The following DNAH17 variants were observed in gnomAD, a reference collection of about 807,000 sequenced individuals.
The protein encoded by DNAH17 is axonemal beta dynein heavy chain 17.
Under a neutral mutation model 485.6 loss-of-function variants are expected in DNAH17, and 376 were observed. The observed-to-expected ratio is 0.77, with a 90% CI of 0.71 to 0.84. DNAH17 has a LOEUF of 0.84. Among genes scored for constraint, DNAH17 ranks in the 40% least tolerant of loss-of-function variants. The pLI, the probability that DNAH17 is intolerant of heterozygous loss-of-function variation, is 0.00. For missense variants in DNAH17, 6,370 were observed against 5,839.3 expected (o/e 1.09, Z -2.96); for synonymous variants, 3,031 against 2,405.9 (o/e 1.26, Z -7.60).
intron 14 of DNAH17, among the ~76,000 whole-genome samples, chr17:78,556,840 A>G (rs2092033804): frequency 6.6e-6 from 1 of 152,218 alleles, no homozygotes; most frequent in African/African-American, 2.4e-5. Context: ...TCACGTTTAA[A>G]AAGAAGAAGA....
rs1162604944 is a variant in DNAH17, at chr17:78,427,021, G to T, written c.12676C>A (p.Pro4226Thr). The stretch of plus-strand genomic sequence containing the variant: ...TCTTGAAAGGCGACTACCACGTAGG[G>T]GGTCTTTTCCGCTGCCTTTGCCATG... ...EIMAKAAEKT[P>T]YVVVAFQECE... Residue 4226 changes from proline (P) to threonine (T), a missense_variant, in exon 78 of 81, where the codon CCC becomes ACC. Pro to Thr is a conservative substitution (Grantham distance 38). Coordinates refer to ENST00000389840, the MANE Select transcript of DNAH17 (RefSeq NM_173628.4). 5 of 1,608,172 alleles carry T rather than the reference G, an allele frequency of 3.1e-6. No individual in the cohort carries two copies. Among genetic ancestry groups the T allele is most frequent in the Middle Eastern group, 1.7e-4 (1 of 6,058 alleles).
chr17:78,567,405 A>T (rs867707381), intron 9 of DNAH17, among the ~76,000 whole-genome samples: 1 of 152,064 alleles, frequency 6.6e-6, no homozygotes, highest in Admixed American at 6.6e-5. Context: ...TGAGGTGTGA[A>T]TGAGGAGGAG....
At chr17:78,481,057 A>C (rs1225761708) in intron 48 of DNAH17, among the ~76,000 whole-genome samples, 1 of 147,022 alleles carries the variant, frequency 6.8e-6, no homozygotes, top group African/African-American at 2.5e-5. Context: ...AGCCTCCCAA[A>C]GTGCTGAGAT....
intron 65 of DNAH17, among the ~76,000 whole-genome samples, chr17:78,452,759 G>A (rs1268156678): frequency 6.6e-6 from 1 of 152,102 alleles, no homozygotes; most frequent in African/African-American, 2.4e-5. Context: ...AAAAAATGCT[G>A]AGTAAAAAGA....
Position 78,494,776 on chromosome 17 carries a change from C to G in DNAH17, c.6087G>C (p.Val2029=), listed in dbSNP as rs375938983. The change falls in exon 40 of 81, where the codon GTG becomes GTC. Residue 2029 remains valine (V), a synonymous_variant. Transcript: ENST00000389840. The part of the protein sequence containing the change: ...WGLRAIKSVL[V]VAGSLKRGDP... ...CGCCCCTCTTCAGGGAGCCGGCCAC[C>G]ACCAGCACAGACTTGATGGCTCTCA... is the stretch of plus-strand genomic sequence containing the variant. 13 of 1,613,140 alleles carry G rather than the reference C, an allele frequency of 8.1e-6. No individual in the cohort carries two copies. The highest frequency in any genetic ancestry group is 1.1e-5 in the Non-Finnish European group (13 of 1,179,632).
chr17:78,465,966 G>A (rs934706018), intron 56 of DNAH17, among the ~76,000 whole-genome samples: 2 of 152,232 alleles, frequency 1.3e-5, no homozygotes, highest in Non-Finnish European at 1.5e-5. Flanking sequence ...CAGGATGACA[G>A]TGGCGGCTTT....
At position 78,572,778 on chromosome 17, in the gene DNAH17, G is replaced by T; in HGVS notation, c.462C>A (p.Gly154=). The T allele has an allele frequency of 1.2e-6, 2 of 1,613,638 alleles. No individual in the cohort carries two copies. The highest frequency in any genetic ancestry group is 1.3e-5 in the African/African-American group (1 of 75,008). ...GCAGCAAGGTTTTGCCTTTGATCTTGCCACTCATCACAAACATTTCATTCT... is the reference window on the plus strand; with the variant it reads ...GCAGCAAGGTTTTGCCTTTGATCTTTCCACTCATCACAAACATTTCATTCT... The part of the protein sequence containing the change: ...RLKNEMFVMS[G]KIKGKTLLPI... The change falls in exon 3 of 81, where the codon GGC becomes GGA. Residue 154 remains glycine (G), a synonymous_variant. Coordinates refer to ENST00000389840, the MANE Select transcript of DNAH17 (RefSeq NM_173628.4).
intron 54 of DNAH17, among the ~76,000 whole-genome samples, chr17:78,475,005 GGACATGCACA>G (rs1217635109): frequency 1.4e-5 from 2 of 142,744 alleles, no homozygotes; most frequent in Non-Finnish European, 3.0e-5. Context: ...TCAGTCACAT[GGACATGCACA>G]CTGGCTGGAA....
intron 44 of DNAH17, 147 bp from the exon 45 acceptor site, chr17:78,486,653 C>G: frequency 9.2e-7 from 1 of 1,082,636 alleles, no homozygotes; most frequent in Non-Finnish European, 1.3e-6. Context: ...TGGGTCCAAA[C>G]GAGGGTGCCA....
At chr17:78,444,876 G>A (rs1251802435) in intron 70 of DNAH17, 79 bp from the exon 71 acceptor site, 41 of 1,387,504 alleles carry the variant, frequency 3.0e-5, no homozygotes, top group Non-Finnish European at 3.9e-5. Context: ...GTTCATTCAA[G>A]GAGGAGAGGC....
In DNAH17 at chr17:78,425,046, C is replaced by T. The variant is rs547318122; in HGVS notation, c.13141+300G>A. On this transcript the variant is annotated intron_variant, in intron 80 of 80. Transcript: ENST00000389840. ...GGCAGGGAAAGCCTGGGCTTTTCAG[C>T]GCTTTTCATCACGTCGGAGCTGCTC... 10 of 248,148 alleles carry T rather than the reference C, an allele frequency of 4.0e-5. No individual in the cohort carries two copies. The East Asian group carries it at 5.1e-4, about 13-fold the overall frequency. 15.4% of individuals were successfully genotyped at this position (248,148 alleles called of 1,614,324 possible). A position where few individuals can be genotyped will look rare whatever the true frequency, so the allele number is the denominator to read the frequency against.
intron 16 of DNAH17, among the ~76,000 whole-genome samples, chr17:78,551,242 G>A (rs1367548712): frequency 1.3e-5 from 2 of 152,182 alleles, no homozygotes; most frequent in African/African-American, 4.8e-5. Context: ...TTCCCAGTGG[G>A]GGTGAGTCTT....
intron 25 of DNAH17, among the ~76,000 whole-genome samples, chr17:78,524,502 C>T (rs1009081795): frequency 2.0e-5 from 3 of 152,150 alleles, no homozygotes; most frequent in Non-Finnish European, 1.5e-5. Context: ...TCCACTTCCA[C>T]CACATGAGGA....
At chr17:78,555,147 A>C (rs2091992188) in intron 14 of DNAH17, among the ~76,000 whole-genome samples, 1 of 152,218 alleles carries the variant, frequency 6.6e-6, no homozygotes, top group South Asian at 2.1e-4. Flanking sequence ...ATAGAGTATA[A>C]GAGCTGTTAC....
intron 14 of DNAH17, among the ~76,000 whole-genome samples, chr17:78,555,249 G>T (rs186788345): frequency 6.6e-6 from 1 of 151,814 alleles, no homozygotes; most frequent in African/African-American, 2.4e-5. Flanking sequence ...GGGTTGGGTT[G>T]TTAAACAATG....
rs1221870770 is a variant in DNAH17, at chr17:78,486,983, G to C, written c.6819-477C>G. ...CCAGCCATGCCTGAAGCACCCCTTGGTGCTTTTTTTTTTTTTTTTTTTTTA... is the reference window on the plus strand; with the variant it reads ...CCAGCCATGCCTGAAGCACCCCTTGCTGCTTTTTTTTTTTTTTTTTTTTTA... On this transcript the variant is annotated intron_variant, in intron 44 of 80. Transcript: ENST00000389840. Among the ~76,000 whole-genome samples the C allele has an allele frequency of 2.7e-5, 3 of 112,836 alleles. No individual in the cohort carries two copies. The East Asian group carries it at 7.3e-4, about 28-fold the overall frequency. The allele number at this position is 112,836 out of a possible 152,430, so 74.0% of individuals were successfully genotyped here. A position where few individuals can be genotyped will look rare whatever the true frequency, so the allele number is the denominator to read the frequency against.
intron 11 of DNAH17, among the ~76,000 whole-genome samples, chr17:78,562,374 A>G (rs1414723009): frequency 6.6e-6 from 1 of 152,104 alleles, no homozygotes; most frequent in Non-Finnish European, 1.5e-5. Flanking sequence ...ACTTGAGCCC[A>G]GGAGTTTGAG....
intron 69 of DNAH17, among the ~76,000 whole-genome samples, chr17:78,448,064 C>T (rs62073477): frequency 0.16 from 23,779 of 151,686 alleles, 2,265 homozygotes; most frequent in Admixed American, 0.26. Context: ...CCCAGCTACT[C>T]GGAAGACTGA....
chr17:78,470,011 G>C (rs1285645721), intron 54 of DNAH17, among the ~76,000 whole-genome samples: 1 of 150,798 alleles, frequency 6.6e-6, no homozygotes, highest in African/African-American at 2.4e-5. Context: ...TCACACAACA[G>C]TGTGAATGTG....
Sources: allele counts gnomAD v4.1 joint callset (sites outside exome capture counted in the v4.1 genomes callset), GRCh38; gene constraint gnomAD v4.1.1; transcripts MANE v1.5; gene names NCBI Gene and HGNC (gene_info 2026-07-23, HGNC 2026-07-21).